Variants in DIAPH2 observed in about 807,000 individuals in gnomAD.
DIAPH2 encodes the protein diaphanous related formin 2, also known as protein diaphanous homolog 2.
In DIAPH2, 35 loss-of-function variants were observed where a neutral mutation model predicts 92.7. The observed-to-expected ratio is 0.38, with a 90% CI of 0.29 to 0.50. The LOEUF (loss-of-function observed/expected upper bound fraction) is 0.50, where lower values mean the gene tolerates loss of function less well. Ranked by LOEUF, DIAPH2 falls within the 20% of genes least tolerant of loss-of-function variation. DIAPH2 has a pLI of 0.94. For synonymous variants in DIAPH2, 301 were observed against 280.4 expected (o/e 1.07, Z -0.73); for missense variants, 701 against 819.5 (o/e 0.86, Z 1.77).
At chrX:97,427,657 G>GTTTTGTTTTGTTTTTGT (rs1556077092) in intron 25 of DIAPH2, among the ~76,000 whole-genome samples, 1 of 97,406 alleles carries the variant, frequency 1.0e-5, no homozygotes, top group Non-Finnish European at 2.1e-5. Context: ...TGTTTTGTTT[G>GTTTTGTTTTGTTTTTGT]TTTTGTTTTT....
At chrX:97,029,301 C>T (rs1276947002) in intron 17 of DIAPH2, among the ~76,000 whole-genome samples, 1 of 109,411 alleles carries the variant, frequency 9.1e-6, no homozygotes, top group African/African-American at 3.3e-5. Context: ...GCACATGTCA[C>T]CACACCTGGC....
At chrX:97,131,781 A>G (rs981175662) in intron 21 of DIAPH2, among the ~76,000 whole-genome samples, 4 of 112,600 alleles carry the variant, frequency 3.6e-5, no homozygotes, top group Non-Finnish European at 5.6e-5. Flanking sequence ...TGGTAAGCCA[A>G]CTATAGACAG....
chrX:97,403,113 A>T (rs1341761824), intron 25 of DIAPH2, among the ~76,000 whole-genome samples: 1 of 112,020 alleles, frequency 8.9e-6, no homozygotes, highest in African/African-American at 3.2e-5. Flanking sequence ...TTGCACACCC[A>T]TGAAACCTCT....
chrX:97,283,374 A>G (rs11092145), intron 23 of DIAPH2, among the ~76,000 whole-genome samples: 2,029 of 111,619 alleles, frequency 0.018, 14 homozygotes, highest in Middle Eastern at 0.041. Context: ...ATAAGGTACA[A>G]TAATTCGCCC....
At chrX:96,903,664 C>CT (rs1310554190) in intron 5 of DIAPH2, among the ~76,000 whole-genome samples, 2 of 111,748 alleles carry the variant, frequency 1.8e-5, no homozygotes, top group African/African-American at 3.2e-5. Flanking sequence ...ATTGAAGAGT[C>CT]TATTTTCATT....
At chrX:97,013,178 A>G (rs748103810) in intron 17 of DIAPH2, among the ~76,000 whole-genome samples, 2 of 112,292 alleles carry the variant, frequency 1.8e-5, no homozygotes, top group South Asian at 7.5e-4. Flanking sequence ...CTACTGAGGT[A>G]TGGCGTGTTC....
rs1020973254 is a variant in DIAPH2 at position 97,336,670 on chromosome X, G to A, written c.2845-11446G>A. ...ACCTTGTCTGAATATTCACTACTCC[G>A]TCATCAGCACCTAGAAGATACCTGG... On this transcript the variant is annotated intron_variant, in intron 23 of 26. Coordinates refer to ENST00000324765, the MANE Select transcript of DIAPH2 (RefSeq NM_006729.5). Among the ~76,000 whole-genome samples, 9 of 111,646 alleles carry A rather than the reference G, an allele frequency of 8.1e-5. No individual in the cohort carries two copies. The East Asian group carries it at 1.4e-3, about 17-fold the overall frequency.
chrX:96,704,900 C>G (rs1352834591), intron 1 of DIAPH2, among the ~76,000 whole-genome samples: 1 of 109,041 alleles, frequency 9.2e-6, no homozygotes, highest in East Asian at 2.9e-4. Context: ...AACTGAGTCA[C>G]TGGGAACTTC....
chrX:97,437,761 TACAC>T (rs58161143), intron 26 of DIAPH2, among the ~76,000 whole-genome samples: 138 of 95,700 alleles, frequency 1.4e-3, no homozygotes, highest in South Asian at 4.8e-3. Context: ...TACATGATTT[TACAC>T]ACACACACAC....
intron 26 of DIAPH2, among the ~76,000 whole-genome samples, chrX:97,548,528 A>T (rs1334811393): frequency 1.8e-5 from 2 of 112,413 alleles, no homozygotes; most frequent in East Asian, 5.6e-4. Flanking sequence ...ACTCAGTGAC[A>T]TGGCCCAGTT....
At chrX:96,842,449 G>A (rs1192136620) in intron 4 of DIAPH2, among the ~76,000 whole-genome samples, 1 of 111,636 alleles carries the variant, frequency 9.0e-6, no homozygotes, top group Non-Finnish European at 1.9e-5. Context: ...CATCAGAATA[G>A]TTTATAGTAG....
chrX:97,575,371 C>G (rs1387236710), intron 26 of DIAPH2, among the ~76,000 whole-genome samples: 1 of 112,389 alleles, frequency 8.9e-6, no homozygotes, highest in African/African-American at 3.2e-5. Context: ...CACATGGCAT[C>G]CTCTCTTGGT....
chrX:96,913,872 A>G (rs1161570125), intron 7 of DIAPH2, among the ~76,000 whole-genome samples: 1 of 110,659 alleles, frequency 9.0e-6, no homozygotes, highest in African/African-American at 3.3e-5. Context: ...TATTTTTTCT[A>G]TAAACTATTT....
In DIAPH2 at chrX:96,901,532, G is replaced by GTT. The variant is rs369526046; in HGVS notation, c.588-10770_588-10769dup. On this transcript the variant is annotated intron_variant, in intron 5 of 26. Transcript: ENST00000324765. ...GGATTTTGTTTGTTCTTTTCTTTCT[G>GTT]TTTTTTTTTTTTTTTTTTTTTTTTT... 7.9e-4 allele frequency among the ~76,000 whole-genome samples: 26 copies of GTT among 33,095 alleles called. 4 individuals are homozygous for GTT. Among genetic ancestry groups the GTT allele is most frequent in the African/African-American group, 1.7e-3 (16 of 9,609 alleles). 28.7% of individuals were successfully genotyped at this position (33,095 alleles called of 115,157 possible).
intron 17 of DIAPH2, among the ~76,000 whole-genome samples, chrX:97,015,333 C>T: frequency 9.0e-6 from 1 of 111,614 alleles, no homozygotes; most frequent in Non-Finnish European, 1.9e-5. Flanking sequence ...TAAATAAATG[C>T]TCTGCCCTCC....
chrX:97,374,176 A>G (rs2069477965), intron 24 of DIAPH2, among the ~76,000 whole-genome samples: 1 of 111,347 alleles, frequency 9.0e-6, no homozygotes, highest in Non-Finnish European at 1.9e-5. Context: ...ACAGGGAAGT[A>G]TAGTCTAGAA....
At chrX:97,211,444 C>T (rs1397657251) in intron 22 of DIAPH2, among the ~76,000 whole-genome samples, 1 of 110,995 alleles carries the variant, frequency 9.0e-6, no homozygotes, top group Non-Finnish European at 1.9e-5. Flanking sequence ...TTGGTATAGG[C>T]GGGAGGTGGA....
chrX:97,367,926 G>A (rs774800072), intron 24 of DIAPH2, among the ~76,000 whole-genome samples: 153 of 111,088 alleles, frequency 1.4e-3, no homozygotes, highest in African/African-American at 4.9e-3. Flanking sequence ...GGTTGGTCTC[G>A]AACTCCTGAC....
At chrX:97,249,528 A>C (rs2068170160) in intron 23 of DIAPH2, among the ~76,000 whole-genome samples, 1 of 111,996 alleles carries the variant, frequency 8.9e-6, no homozygotes, top group Non-Finnish European at 1.9e-5. Context: ...ACAGCAATTT[A>C]TTTCAGAGAA....
Sources: allele counts gnomAD v4.1 joint callset (sites outside exome capture counted in the v4.1 genomes callset), GRCh38; gene constraint gnomAD v4.1.1; transcripts MANE v1.5; gene names NCBI Gene and HGNC (gene_info 2026-07-23, HGNC 2026-07-21).